The following DDX46 variants were observed in gnomAD, a reference collection of about 807,000 sequenced individuals.
DDX46 encodes DEAD-box helicase 46.
DDX46 carries 30 observed loss-of-function variants against 134.9 expected under a neutral mutation model. The observed-to-expected ratio is 0.22, with a 90% CI of 0.17 to 0.30. DDX46 has a LOEUF of 0.30. Ranked by LOEUF, DDX46 falls within the 10% of genes least tolerant of loss-of-function variation. The pLI is 1.00. For synonymous variants in DDX46, 415 were observed against 404.1 expected (o/e 1.03, Z -0.32); for missense variants, 622 against 1,248.7 (o/e 0.50, Z 7.56).
intron 16 of DDX46, among the ~76,000 whole-genome samples, chr5:134,810,255 C>G (rs1300506208): frequency 2.0e-5 from 3 of 149,858 alleles, no homozygotes; most frequent in Non-Finnish European, 3.0e-5. Flanking sequence ...TAGCGAGACT[C>G]CATCTCAAAA....
chr5:134,795,727 T>C (rs254706), intron 14 of DDX46, among the ~76,000 whole-genome samples: 10,297 of 152,208 alleles, frequency 0.068, 761 homozygotes, highest in African/African-American at 0.19. Context: ...ATGTTACATA[T>C]CTATTTTATT....
At chr5:134,797,572 G>A (rs1754706546) in intron 15 of DDX46, among the ~76,000 whole-genome samples, 1 of 152,182 alleles carries the variant, frequency 6.6e-6, no homozygotes, top group South Asian at 2.1e-4. Flanking sequence ...TACTGGAGTT[G>A]GCAGAGCTTT....
intron 18 of DDX46, among the ~76,000 whole-genome samples, chr5:134,812,240 T>C (rs984740924): frequency 1.3e-5 from 2 of 151,758 alleles, no homozygotes; most frequent in African/African-American, 4.8e-5. Context: ...AATTTTTGTA[T>C]TTTTAGTTGA....
intron 19 of DDX46, chr5:134,816,807 C>G: frequency 1.8e-6 from 1 of 544,664 alleles, no homozygotes; most frequent in Non-Finnish European, 3.1e-6. Context: ...TGGGCCTATT[C>G]TGGAATTTCT....
chr5:134,820,682 C>CA (rs1755418187), intron 21 of DDX46, among the ~76,000 whole-genome samples: 1 of 152,126 alleles, frequency 6.6e-6, no homozygotes, highest in Non-Finnish European at 1.5e-5. Context: ...ATTCATGTAA[C>CA]AAAAGTTTGT....
intron 21 of DDX46, chr5:134,825,803 G>C (rs1482667871): frequency 6.6e-6 from 1 of 151,978 alleles, no homozygotes. Flanking sequence ...ATTTCCATTG[G>C]CCTCATCTGT....
At chr5:134,786,641 A>C (rs1239828544) in intron 11 of DDX46, among the ~76,000 whole-genome samples, 1 of 152,150 alleles carries the variant, frequency 6.6e-6, no homozygotes, top group African/African-American at 2.4e-5. Context: ...TCAGGAGCTC[A>C]AGACCAGCCT....
At chr5:134,790,702 T>G in intron 13 of DDX46, 150 bp downstream of exon 13, 1 of 631,428 alleles carries the variant, frequency 1.6e-6, no homozygotes, top group Non-Finnish European at 2.6e-6. Flanking sequence ...AGTATTGAAG[T>G]ACATATTTAT....
chr5:134,758,819 A>C lies in DDX46; in HGVS notation c.-120A>C. On this transcript the variant is annotated 5_prime_UTR_variant, in exon 1 of 23. Transcript: ENST00000452510. ...GCGCTGGGATGGCCGCCACAGCTGT[A>C]GGTGCTGCTAGTGTTTAGCGCTGGT... The C allele has an allele frequency of 6.8e-7, 1 of 1,478,188 alleles. No homozygotes were observed. Among genetic ancestry groups the C allele is most frequent in the Non-Finnish European group, 9.4e-7 (1 of 1,063,470 alleles). The allele number at this position is 1,478,188 out of a possible 1,614,324, so 91.6% of individuals were successfully genotyped here.
chr5:134,813,683 T>C (rs1449505632), intron 18 of DDX46, among the ~76,000 whole-genome samples: 3 of 152,070 alleles, frequency 2.0e-5, no homozygotes, highest in Non-Finnish European at 4.4e-5. Flanking sequence ...CAAACTGGAG[T>C]GTAGTGGTGC....
At chr5:134,788,644 T>TTTTG in intron 12 of DDX46, 53 bp downstream of exon 12, 1 of 1,515,786 alleles carries the variant, frequency 6.6e-7, no homozygotes. Flanking sequence ...CTTTACTTTT[T>TTTTG]TTTGTTAAAA....
chr5:134,777,051 A>T (rs1580782639), intron 5 of DDX46, among the ~76,000 whole-genome samples: 1 of 152,218 alleles, frequency 6.6e-6, no homozygotes, highest in Admixed American at 6.5e-5. Flanking sequence ...TCTTTACTAA[A>T]AATAAAAAAA....
intron 6 of DDX46, among the ~76,000 whole-genome samples, chr5:134,779,803 A>G (rs1019565043): frequency 2.6e-5 from 4 of 152,192 alleles, no homozygotes; most frequent in African/African-American, 9.6e-5. Flanking sequence ...TAGTAGTTTA[A>G]AAATACATAA....
rs757362389 is a variant in DDX46 at position 134,816,496 on chromosome 5, A to T, written c.2503A>T (p.Thr835Ser). 1 of 1,614,114 alleles carries T rather than the reference A, an allele frequency of 6.2e-7. No homozygotes were observed. Among genetic ancestry groups the T allele is most frequent in the Non-Finnish European group, 8.5e-7 (1 of 1,180,006 alleles). The change falls in exon 19 of 23, where the codon ACA (threonine) becomes TCA (serine). Residue 835 changes from threonine (T) to serine (S), a missense_variant. Around this residue, in one of 8 missense-constraint regions of DDX46, gnomAD observed 18 missense variants for 17.0 expected, o/e 1.06. Transcript: ENST00000452510. ...AGTAAAGGATATGGCTGCTCCTGGA[A>T]CATCAAGTGTTCCTGCTCCAACTGC... Reference protein sequence around the residue: ...KRVKDMAAPGTSSVPAPTAGN... With the variant: ...KRVKDMAAPGSSSVPAPTAGN...
chr5:134,760,306 C>T (rs1379681040), intron 1 of DDX46, among the ~76,000 whole-genome samples: 1 of 152,120 alleles, frequency 6.6e-6, no homozygotes, highest in Non-Finnish European at 1.5e-5. Flanking sequence ...TAGGTTTGTT[C>T]AGGGAATCAT....
chr5:134,777,190 C>T (rs780131954), intron 5 of DDX46, among the ~76,000 whole-genome samples: 1 of 152,204 alleles, frequency 6.6e-6, no homozygotes, highest in Non-Finnish European at 1.5e-5. Flanking sequence ...TGTACTCCAG[C>T]CTGGGTGACA....
At chr5:134,760,414 T>C (rs946694039) in intron 1 of DDX46, among the ~76,000 whole-genome samples, 1 of 152,168 alleles carries the variant, frequency 6.6e-6, no homozygotes, top group Non-Finnish European at 1.5e-5. Flanking sequence ...TTTTATCTTT[T>C]TTGAGAAGTA....
intron 15 of DDX46, among the ~76,000 whole-genome samples, chr5:134,804,456 G>A (rs757870859): frequency 3.2e-4 from 49 of 151,146 alleles, no homozygotes; most frequent in Non-Finnish European, 6.2e-4. Flanking sequence ...TATTTTTTTT[G>A]GGACAGGGTT....
In DDX46 at chr5:134,771,018, A is replaced by G; in HGVS notation, c.447+19A>G. The G allele has an allele frequency of 1.0e-6, 1 of 996,704 alleles. No homozygotes were observed. The highest frequency in any genetic ancestry group is 1.5e-6 in the Non-Finnish European group (1 of 658,140). The allele number at this position is 996,704 out of a possible 1,614,324, so 61.7% of individuals were successfully genotyped here. ...TGCTGGCGTATGTTTATTAACTTAA[A>G]AATAATTTTCTTTCTTTCTTTTTGT... On this transcript the variant is annotated intron_variant, in intron 4 of 22. Transcript: ENST00000452510.
Sources: allele counts gnomAD v4.1 joint callset (sites outside exome capture counted in the v4.1 genomes callset), GRCh38; gene constraint gnomAD v4.1.1; regional missense constraint gnomAD v4.1.1; transcripts MANE v1.5; gene names NCBI Gene and HGNC (gene_info 2026-07-23, HGNC 2026-07-21).